Variants in OR7C1 observed in about 807,000 individuals in gnomAD.
OR7C1 encodes the protein olfactory receptor 7C1.
For missense variants in OR7C1, 324 were observed against 383.3 expected (o/e 0.85, Z 1.29); for synonymous variants, 152 against 160.7 (o/e 0.95, Z 0.41).
chr19:14,828,241 T>C, intron 1 of OR7C1: 1 of 1,607,958 alleles, frequency 6.2e-7, no homozygotes, highest in Non-Finnish European at 8.5e-7. Context: ...CCTGGTTCCA[T>C]TTGATTGAAG....
chr19:14,830,610 A>C (rs1375836089), intron 1 of OR7C1, among the ~76,000 whole-genome samples: 1 of 152,216 alleles, frequency 6.6e-6, no homozygotes, highest in African/African-American at 2.4e-5. Flanking sequence ...TATTGACTTC[A>C]TGGTTTTTAA....
chr19:14,829,328 C>T (rs1236320199), intron 1 of OR7C1, among the ~76,000 whole-genome samples: 4 of 152,314 alleles, frequency 2.6e-5, no homozygotes, highest in African/African-American at 7.2e-5. Context: ...CTCAGCCTCC[C>T]GAGTAGCTGG....
At chr19:14,806,471 G>A (rs147047786) in intron 2 of OR7C1, among the ~76,000 whole-genome samples, 85 of 152,018 alleles carry the variant, frequency 5.6e-4, no homozygotes, top group African/African-American at 2.1e-3. Flanking sequence ...TGCTGCACCT[G>A]TCAACCCATC....
chr19:14,830,037 A>G (rs572496787), intron 1 of OR7C1, among the ~76,000 whole-genome samples: 2 of 152,102 alleles, frequency 1.3e-5, no homozygotes, highest in African/African-American at 4.8e-5. Context: ...TGATTTCTAC[A>G]TTTTTTGTGG....
rs766648649 is a variant in OR7C1, at chr19:14,799,773, G to A, written c.364C>T (p.Arg122Cys). The stretch of plus-strand genomic sequence containing the variant: ...AGGGGGTGACAGACGGCCACGAAGC[G>A]GTCATAGGCCATCACGGTCAAGAGT... Residue 122 changes from arginine to cysteine, a missense_variant, in exon 5 of 5, where the codon CGC becomes TGC. Coordinates refer to ENST00000641666, the Ensembl canonical transcript of OR7C1. 37 of 1,613,672 alleles carry A rather than the reference G, an allele frequency of 2.3e-5. No individual in the cohort carries two copies. The highest frequency in any genetic ancestry group is 1.7e-4 in the Middle Eastern group (1 of 6,060).
At chr19:14,805,588 G>A (rs943140141) in intron 2 of OR7C1, among the ~76,000 whole-genome samples, 1 of 151,366 alleles carries the variant, frequency 6.6e-6, no homozygotes, top group Non-Finnish European at 1.5e-5. Flanking sequence ...GCCTTGTTTT[G>A]TATTTTTAGT....
At chr19:14,825,393 A>G (rs1291817603) in intron 1 of OR7C1, 2 of 152,212 alleles carry the variant, frequency 1.3e-5, no homozygotes, top group Non-Finnish European at 2.9e-5. Flanking sequence ...GACTATAGTT[A>G]AAAATATTAT....
At chr19:14,833,974 T>C (rs1217042384) in intron 1 of OR7C1, among the ~76,000 whole-genome samples, 1 of 152,128 alleles carries the variant, frequency 6.6e-6, no homozygotes, top group Admixed American at 6.6e-5. Context: ...TAAAAACACA[T>C]ACAGGCTGGG....
chr19:14,818,112 C>T (rs1463011577), intron 1 of OR7C1, among the ~76,000 whole-genome samples: 2 of 91,322 alleles, frequency 2.2e-5, no homozygotes, highest in African/African-American at 4.4e-5. Flanking sequence ...ATTTTTGAGA[C>T]GGAGTCTCGC....
At chr19:14,812,273 T>C (rs1392225982) in intron 1 of OR7C1, among the ~76,000 whole-genome samples, 1 of 152,200 alleles carries the variant, frequency 6.6e-6, no homozygotes, top group African/African-American at 2.4e-5. Context: ...TGTTTTATAT[T>C]GTTTTATACT....
intron 1 of OR7C1, among the ~76,000 whole-genome samples, chr19:14,834,272 T>C (rs995147553): frequency 2.0e-5 from 3 of 152,042 alleles, no homozygotes; most frequent in African/African-American, 7.2e-5. Flanking sequence ...AGAGTGAGGC[T>C]CTGTCTCAAA....
intron 2 of OR7C1, among the ~76,000 whole-genome samples, chr19:14,807,029 C>G (rs1454511079): frequency 6.6e-6 from 1 of 152,010 alleles, no homozygotes; most frequent in Non-Finnish European, 1.5e-5. Flanking sequence ...TATTTCTCCA[C>G]AGTCTTGCCA....
intron 1 of OR7C1, among the ~76,000 whole-genome samples, chr19:14,810,723 A>C (rs965103815): frequency 1.3e-5 from 2 of 151,776 alleles, no homozygotes; most frequent in African/African-American, 4.9e-5. Flanking sequence ...CCTGGCTTCT[A>C]TTCTGGACAC....
intron 1 of OR7C1, among the ~76,000 whole-genome samples, chr19:14,833,231 C>A (rs4500882): frequency 0.3 from 45,967 of 152,112 alleles, 7,409 homozygotes; most frequent in East Asian, 0.56. Flanking sequence ...GTAATCCCAG[C>A]AGTTTGGAAG....
chr19:14,808,423 G>A (rs538578136), intron 2 of OR7C1, among the ~76,000 whole-genome samples: 4 of 152,050 alleles, frequency 2.6e-5, no homozygotes, highest in African/African-American at 9.7e-5. Context: ...TACAGCCAAC[G>A]GAATACTACT....
intron 1 of OR7C1, among the ~76,000 whole-genome samples, chr19:14,832,422 CTTTTTTCTTTTCTTTT>C (rs1035086708): frequency 1.7e-5 from 2 of 119,862 alleles, no homozygotes; most frequent in African/African-American, 6.0e-5. Context: ...CTCTTTCTTT[CTTTTTTCTTTTCTTTT>C]TTTTTTTTAA....
At chr19:14,818,082 A>ATTTATTTT (rs2044724454) in intron 1 of OR7C1, among the ~76,000 whole-genome samples, 1 of 149,266 alleles carries the variant, frequency 6.7e-6, no homozygotes, top group South Asian at 2.1e-4. Context: ...TTATTTATTT[A>ATTTATTTT]TTTATTTATT....
chr19:14,830,480 G>A (rs1327068085), intron 1 of OR7C1, among the ~76,000 whole-genome samples: 1 of 149,548 alleles, frequency 6.7e-6, no homozygotes, highest in East Asian at 2.1e-4. Flanking sequence ...GCTTGCTGGG[G>A]ATCTTATAGG....
rs1307665640 is a variant in OR7C1 at position 14,799,629 on chromosome 19, TGCAG to T, written c.504_507del (p.Phe168LeufsTer17). The T allele has an allele frequency of 6.2e-7, 1 of 1,613,704 alleles. No individual in the cohort carries two copies. Among genetic ancestry groups the T allele is most frequent in the Non-Finnish European group, 8.5e-7 (1 of 1,180,024 alleles). Reference sequence around the variant, plus strand: ...AAAAAGTGTGGAATTTCCATTTCGGTGCAGAAGGACAGCCTCAAAACAGTCAAGG... The same window carrying T: ...AAAAAGTGTGGAATTTCCATTTCGGTAAGGACAGCCTCAAAACAGTCAAGG... On this transcript the variant is annotated frameshift_variant, in exon 5 of 5. Transcript: ENST00000641666. LOFTEE classifies it low-confidence loss of function (END_TRUNC).
Sources: allele counts gnomAD v4.1 joint callset (sites outside exome capture counted in the v4.1 genomes callset), GRCh38; gene constraint gnomAD v4.1.1; transcripts MANE v1.5; gene names NCBI Gene and HGNC (gene_info 2026-07-23, HGNC 2026-07-21).